The following NBPF3 variants were observed in gnomAD, a reference collection of about 807,000 sequenced individuals.
NBPF3 encodes NBPF member 3, also known as NBPF family member NBPF3.
Under a neutral mutation model 78.1 loss-of-function variants are expected in NBPF3, and 57 were observed. That is an observed-to-expected ratio of 0.73 (90% confidence interval 0.59 to 0.91). NBPF3 has a LOEUF of 0.91. NBPF3 is among the 40% of genes least tolerant of loss of function. NBPF3 has a pLI of 0.00. For synonymous variants in NBPF3, 182 were observed against 271.7 expected (o/e 0.67, Z 3.25); for missense variants, 510 against 715.3 (o/e 0.71, Z 3.27).
At chr1:21,439,528 T>A (rs1039356763), upstream of NBPF3, among the ~76,000 whole-genome samples, 1 of 151,790 alleles carries the variant, frequency 6.6e-6, no homozygotes, top group Non-Finnish European at 1.5e-5. Context: ...AAAACGTACA[T>A]AAAATATCCC....
chr1:21,478,875 C>T (rs1643025290), intron 9 of NBPF3, among the ~76,000 whole-genome samples: 1 of 152,164 alleles, frequency 6.6e-6, no homozygotes, highest in Non-Finnish European at 1.5e-5. Flanking sequence ...ACTTTTCACC[C>T]ACAAAAGCCA....
At chr1:21,475,191 G>A (rs188941433) in intron 8 of NBPF3, among the ~76,000 whole-genome samples, 49 of 152,100 alleles carry the variant, frequency 3.2e-4, no homozygotes, top group Non-Finnish European at 6.2e-4. Flanking sequence ...GGGATTTCTT[G>A]TTGATCTTTT....
chr1:21,477,440 G>T (rs1343645694), intron 8 of NBPF3, among the ~76,000 whole-genome samples: 1 of 152,188 alleles, frequency 6.6e-6, no homozygotes, highest in Non-Finnish European at 1.5e-5. Context: ...TGATGCTGGT[G>T]ACCTACAGAT....
rs1641895015 is a variant in NBPF3, at chr1:21,460,538, CTT to C, written c.134-8147_134-8146del. Among the ~76,000 whole-genome samples the C allele has an allele frequency of 6.6e-6, 1 of 152,092 alleles. No homozygotes were observed. The highest frequency in any genetic ancestry group is 1.9e-4 in the East Asian group (1 of 5,198). On this transcript the variant is annotated intron_variant, in intron 2 of 14. Coordinates refer to ENST00000318249, the MANE Select transcript of NBPF3 (RefSeq NM_032264.6). The surrounding 1 kb of genome is among the most constrained non-coding windows in gnomAD (Gnocchi z 4.2). ...TGCTCTTCATTGAGGAAATGGAAGA[CTT>C]TTAAGTAAAAGGATTTTGAGTGAAA...
chr1:21,470,069 T>G (rs1250193101), intron 3 of NBPF3, among the ~76,000 whole-genome samples: 1 of 152,212 alleles, frequency 6.6e-6, no homozygotes. Context: ...AACACAAACC[T>G]TAGTATTCGG....
chr1:21,439,481 C>T (rs1454784613), upstream of NBPF3, among the ~76,000 whole-genome samples: 1 of 119,952 alleles, frequency 8.3e-6, no homozygotes, highest in African/African-American at 2.8e-5. Context: ...GAGAGCAAGA[C>T]TCTATCTCAA....
upstream of NBPF3, among the ~76,000 whole-genome samples, chr1:21,438,049 A>C (rs1305244552): frequency 6.6e-6 from 1 of 150,586 alleles, no homozygotes; most frequent in Non-Finnish European, 1.5e-5. Flanking sequence ...TGAACTCCCG[A>C]CCTCAGGTGA....
In NBPF3 at chr1:21,467,600, A is replaced by G. The variant is rs559716960; in HGVS notation, c.134-1088A>G. Among the ~76,000 whole-genome samples, 35 of 152,360 alleles carry G rather than the reference A, an allele frequency of 2.3e-4. 1 individual carries two copies. In the South Asian group the frequency reaches 6.8e-3, roughly 30 times the overall value. ...AAATAGATATCAAACCACATTCCAT[A>G]AGAACCGCCGCTCATGGCCCTGTTC... On this transcript the variant is annotated intron_variant, in intron 2 of 14. Coordinates refer to ENST00000318249, the MANE Select transcript of NBPF3 (RefSeq NM_032264.6).
chr1:21,455,747 CTA>C (rs1276973126), intron 2 of NBPF3, among the ~76,000 whole-genome samples: 1 of 152,202 alleles, frequency 6.6e-6, no homozygotes, highest in Non-Finnish European at 1.5e-5. Flanking sequence ...CTCTCAAAGT[CTA>C]TGTGGGGTTC....
intron 2 of NBPF3, among the ~76,000 whole-genome samples, chr1:21,464,626 AAATAAT>A (rs1266614699): frequency 1.3e-5 from 2 of 151,868 alleles, no homozygotes; most frequent in Admixed American, 1.3e-4. Context: ...TCTACTGTAG[AAATAAT>A]AATAACAACA....
At chr1:21,472,806 T>C in intron 5 of NBPF3, 37 bp from the exon 6 acceptor site, 1 of 1,475,730 alleles carries the variant, frequency 6.8e-7, no homozygotes, top group East Asian at 2.3e-5. Flanking sequence ...AGAGTGTGAA[T>C]TGGGAAATAT....
rs370302515 is a variant in NBPF3 at position 21,474,971 on chromosome 1, G to T, written c.992+20G>T. 6.3e-7 allele frequency: 1 copy of T among 1,596,824 alleles called. No homozygotes were observed. On this transcript the variant is annotated intron_variant, in intron 8 of 14. Transcript: ENST00000318249. ...TCCCAGGTAATGCCATGGAATTGTG[G>T]GCTGTTAATTCAATAGTGGCAGCTG...
chr1:21,459,826 G>T, intron 2 of NBPF3: 1 of 278,038 alleles, frequency 3.6e-6, no homozygotes, highest in Admixed American at 3.8e-5. Flanking sequence ...GTTTGAAGAT[G>T]CACGGTCAGT....
chr1:21,444,688 G>A (rs112201541), intron 1 of NBPF3, among the ~76,000 whole-genome samples: 4,136 of 152,222 alleles, frequency 0.027, 156 homozygotes, highest in African/African-American at 0.089. Flanking sequence ...CTCCCGAGTA[G>A]CTGGGACTAC....
rs114921126 is a variant in NBPF3 at position 21,473,956 on chromosome 1, C to T, written c.940+371C>T. On this transcript the variant is annotated intron_variant, in intron 7 of 14. Transcript: ENST00000318249. The stretch of plus-strand genomic sequence containing the variant: ...TTTTTAAGGCGACTGGCAGCCTTGC[C>T]TTTGTGTTTGGAAATATTGTTCCCC... Among the ~76,000 whole-genome samples, 331 of 152,296 alleles carry T rather than the reference C, an allele frequency of 2.2e-3. 2 individuals carry two copies. The highest frequency in any genetic ancestry group is 7.3e-3 in the African/African-American group (305 of 41,560).
At chr1:21,469,585 C>T (rs1399206338) in intron 3 of NBPF3, among the ~76,000 whole-genome samples, 1 of 152,028 alleles carries the variant, frequency 6.6e-6, no homozygotes, top group African/African-American at 2.4e-5. Flanking sequence ...ATTAGCTGGG[C>T]GTGGTGGCGG....
chr1:21,479,814 C>CTGTGTGTGTGTGTG, intron 10 of NBPF3, among the ~76,000 whole-genome samples: 1 of 49,762 alleles, frequency 2.0e-5, no homozygotes, highest in South Asian at 1.8e-3. Flanking sequence ...CTCTCTCTCT[C>CTGTGTGTGTGTGTG]TCTCTCTGTG....
In NBPF3 at chr1:21,445,002, G is replaced by C; in HGVS notation, c.-85G>C. 1.4e-6 allele frequency: 2 copies of C among 1,459,772 alleles called. No homozygotes were observed. The highest frequency in any genetic ancestry group is 2.7e-5 in the South Asian group (2 of 72,848). 90.4% of individuals were successfully genotyped at this position (1,459,772 alleles called of 1,614,324 possible). A position where few individuals can be genotyped will look rare whatever the true frequency, so the allele number is the denominator to read the frequency against. ...CAGGCGAAGGTTCCTGGTGACCCAG[G>C]CTCTCACCAGCCAATTGTCCCTTGC... is the stretch of plus-strand genomic sequence containing the variant. On this transcript the variant is annotated 5_prime_UTR_variant, in exon 2 of 15. Transcript: ENST00000318249.
chr1:21,436,850 C>T (rs978786793), upstream of NBPF3: 17 of 561,604 alleles, frequency 3.0e-5, no homozygotes, highest in Non-Finnish European at 3.7e-5. This position sits in a 1 kb window ranked among gnomAD's most constrained non-coding sequence, Gnocchi z 4.3. Flanking sequence ...GCCAGAGGCC[C>T]GGGGGGAGGG....
Sources: gnomAD v4.1 joint callset for allele counts (sites outside exome capture counted in the v4.1 genomes callset) on GRCh38, gnomAD v4.1.1 for gene constraint, Gnocchi (gnomAD v3.1) non-coding constraint, MANE v1.5 for transcripts, NCBI Gene and HGNC (gene_info 2026-07-23, HGNC 2026-07-21) for gene names.